The following GSDMC variants were observed in gnomAD, a reference collection of about 807,000 sequenced individuals.
The protein encoded by GSDMC is gasdermin C.
Under a neutral mutation model 58.0 loss-of-function variants are expected in GSDMC, and 59 were observed. The observed-to-expected ratio is 1.02, with a 90% CI of 0.82 to 1.26. The LOEUF is 1.26. GSDMC is among the 50% of genes most tolerant of loss of function. GSDMC has a pLI of 0.00. For synonymous variants in GSDMC, 241 were observed against 220.2 expected (o/e 1.09, Z -0.83); for missense variants, 659 against 598.5 (o/e 1.10, Z -1.06).
At chr8:129,739,919 T>C in the GSDMC span, among the ~76,000 whole-genome samples, 2 of 152,222 alleles carry the variant, frequency 1.3e-5, no homozygotes, top group Non-Finnish European at 2.9e-5. Flanking sequence ...CCATGCATGT[T>C]ATTGTCCCTG....
At chr8:129,767,700 G>A (rs1479580264) in intron 3 of GSDMC, among the ~76,000 whole-genome samples, 3 of 151,690 alleles carry the variant, frequency 2.0e-5, no homozygotes, top group South Asian at 4.2e-4. Context: ...ACCCAAACAC[G>A]GAGCCCAGCC....
the GSDMC span, among the ~76,000 whole-genome samples, chr8:129,736,006 C>T: frequency 6.6e-6 from 1 of 152,128 alleles, no homozygotes; most frequent in Non-Finnish European, 1.5e-5. Flanking sequence ...TACAAACTAC[C>T]ATCAGAGAAT....
chr8:129,743,258 C>T (rs2032901935), downstream of GSDMC, among the ~76,000 whole-genome samples: 1 of 152,142 alleles, frequency 6.6e-6, no homozygotes, highest in South Asian at 2.1e-4. Context: ...ATCACAGGTC[C>T]TTGAAGGTCT....
the GSDMC span, among the ~76,000 whole-genome samples, chr8:129,725,351 C>T: frequency 6.6e-6 from 1 of 152,124 alleles, no homozygotes; most frequent in Non-Finnish European, 1.5e-5. Flanking sequence ...AAGACACACT[C>T]ATGCGTTCTT....
Position 129,750,473 on chromosome 8 carries a change from G to A in GSDMC, c.1041C>T (p.Ala347=), listed in dbSNP as rs141076285. The A allele has an allele frequency of 2.2e-3, 3,511 of 1,613,952 alleles. 6 individuals are homozygous for A. The highest frequency in any genetic ancestry group is 2.7e-3 in the Non-Finnish European group (3,169 of 1,179,838). ...VQDVMFYSIL[A]MLRDRGALQD... ...GTAGAGCCCCTCTGTCTCTGAGCAT[G>A]GCCAGGATACTGTAGAACATGACAT... The change falls in exon 11 of 14, where the codon GCC becomes GCT. Residue 347 remains alanine (A), a synonymous_variant. Coordinates refer to ENST00000276708, the MANE Select transcript of GSDMC (RefSeq NM_031415.3).
chr8:129,770,510 G>A lies in GSDMC; in HGVS notation c.405-4717C>T, dbSNP rs568948571. Among the ~76,000 whole-genome samples the A allele has an allele frequency of 3.3e-5, 5 of 152,070 alleles. No individual in the cohort carries two copies. In the South Asian group the frequency reaches 1.0e-3, roughly 32 times the overall value. ...GACTGTCTCAAAAATGTCCCAAATAGGTTGAAACCCTCAAAAAAATTAATC... is the reference window on the plus strand; with the variant it reads ...GACTGTCTCAAAAATGTCCCAAATAAGTTGAAACCCTCAAAAAAATTAATC... On this transcript the variant is annotated intron_variant, in intron 3 of 13. Coordinates refer to ENST00000276708, the MANE Select transcript of GSDMC (RefSeq NM_031415.3).
At chr8:129,768,419 C>T (rs1002951499) in intron 3 of GSDMC, among the ~76,000 whole-genome samples, 7 of 152,094 alleles carry the variant, frequency 4.6e-5, no homozygotes, top group Admixed American at 2.0e-4. Context: ...AACAAACTGA[C>T]AAAGAATTCA....
chr8:129,715,995 C>G, the GSDMC span, among the ~76,000 whole-genome samples: 1 of 151,992 alleles, frequency 6.6e-6, no homozygotes, highest in Non-Finnish European at 1.5e-5. Flanking sequence ...AAAGCAACTT[C>G]TAAAATAACA....
the GSDMC span, among the ~76,000 whole-genome samples, chr8:129,721,868 G>T: frequency 6.6e-6 from 1 of 152,116 alleles, no homozygotes; most frequent in Non-Finnish European, 1.5e-5. Flanking sequence ...AGAACAATGC[G>T]CTGTATGTTT....
At position 129,757,729 on chromosome 8, in the gene GSDMC, A is replaced by G. The variant is rs543822196; in HGVS notation, c.721+2816T>C. On this transcript the variant is annotated intron_variant, in intron 6 of 13. Transcript: ENST00000276708. ...ATTTACAGCCAGGTGTCATGATCAC[A>G]CCTGCAATCCCAGCACTTTGGGAGG... Among the ~76,000 whole-genome samples the G allele has an allele frequency of 3.3e-5, 5 of 152,282 alleles. No individual in the cohort carries two copies. The East Asian group carries it at 7.7e-4, about 24-fold the overall frequency.
the GSDMC span, among the ~76,000 whole-genome samples, chr8:129,708,203 A>G: frequency 1.3e-5 from 2 of 152,236 alleles, no homozygotes; most frequent in Non-Finnish European, 1.5e-5. Flanking sequence ...AGTCATGGAC[A>G]AGCTCATAAA....
rs542153396 is a variant in GSDMC, at chr8:129,770,076, T to C, written c.405-4283A>G. On this transcript the variant is annotated intron_variant, in intron 3 of 13. Transcript: ENST00000276708. ...GTTTTACGTATATTAAAAATAACTC[T>C]ATAATAATTTCTTATTAGATATACA... 4.6e-5 allele frequency among the ~76,000 whole-genome samples: 7 copies of C among 152,336 alleles called. No homozygotes were observed. The South Asian group carries it at 1.4e-3, about 32-fold the overall frequency.
the GSDMC span, among the ~76,000 whole-genome samples, chr8:129,736,465 G>A: frequency 1.1e-4 from 17 of 152,212 alleles, no homozygotes; most frequent in Non-Finnish European, 8.8e-5. Flanking sequence ...TCATCCTTGG[G>A]ATGCAAGGCT....
chr8:129,767,397 C>T (rs899791722), intron 3 of GSDMC, among the ~76,000 whole-genome samples: 1 of 152,062 alleles, frequency 6.6e-6, no homozygotes, highest in African/African-American at 2.4e-5. Context: ...AGAGCCCAGT[C>T]CCAGGCCCCA....
chr8:129,765,653 A>G lies in GSDMC; in HGVS notation c.545T>C (p.Ile182Thr), dbSNP rs772222662. Residue 182 changes from isoleucine to threonine, a missense_variant, in exon 4 of 14, where the codon ATT becomes ACT. By Grantham distance (89) the Ile-to-Thr change is moderately conservative. Coordinates refer to ENST00000276708, the MANE Select transcript of GSDMC (RefSeq NM_031415.3). ...DSSSVNILGK[I>T]ALWITYGKGQ... ...CTTGCCATAGGTAATCCAAAGAGCA[A>G]TTTTCCCTAAAATATTCACACTACT... 4.3e-6 allele frequency: 7 copies of G among 1,613,484 alleles called. No individual in the cohort carries two copies. Among genetic ancestry groups the G allele is most frequent in the Non-Finnish European group, 5.9e-6 (7 of 1,179,602 alleles).
chr8:129,759,357 A>G (rs1223049037), intron 6 of GSDMC, among the ~76,000 whole-genome samples: 1 of 152,160 alleles, frequency 6.6e-6, no homozygotes, highest in African/African-American at 2.4e-5. Flanking sequence ...GCAAAAATAG[A>G]CAAATGGGAT....
the GSDMC span, chr8:129,728,732 G>T: frequency 9.7e-5 from 43 of 442,114 alleles, 1 homozygote; most frequent in African/African-American, 7.6e-4. Flanking sequence ...CTGGCTTGTA[G>T]ATCAAACTGC....
the GSDMC span, among the ~76,000 whole-genome samples, chr8:129,724,631 G>A: frequency 6.6e-6 from 1 of 151,140 alleles, no homozygotes; most frequent in Non-Finnish European, 1.5e-5. Flanking sequence ...TCCTAATTTT[G>A]TATAGAAAAC....
chr8:129,738,654 G>A, the GSDMC span, among the ~76,000 whole-genome samples: 7 of 152,194 alleles, frequency 4.6e-5, no homozygotes, highest in South Asian at 2.1e-4. Context: ...GGGGCCTCTC[G>A]TGGGGTGGGG....
Sources: allele counts gnomAD v4.1 joint callset (sites outside exome capture counted in the v4.1 genomes callset), GRCh38; gene constraint gnomAD v4.1.1; transcripts MANE v1.5; gene names NCBI Gene and HGNC (gene_info 2026-07-23, HGNC 2026-07-21).